Variants in WDPCP observed in about 807,000 individuals in gnomAD.
The protein encoded by WDPCP is WD repeat-containing and planar cell polarity effector protein fritz homolog.
In WDPCP, 71 loss-of-function variants were observed where a neutral mutation model predicts 93.1. The observed-to-expected ratio is 0.76, with a 90% CI of 0.63 to 0.93. The LOEUF is 0.93. Ranked by LOEUF, WDPCP falls within the 40% of genes least tolerant of loss-of-function variation. The pLI is 0.00. For missense variants in WDPCP, 844 were observed against 887.4 expected (o/e 0.95, Z 0.62); for synonymous variants, 315 against 315.0 (o/e 1.00, Z 0.00).
At chr2:63,263,356 A>G (rs1240088335) in intron 13 of WDPCP, among the ~76,000 whole-genome samples, 1 of 152,234 alleles carries the variant, frequency 6.6e-6, no homozygotes, top group African/African-American at 2.4e-5. Context: ...GGATTAGGTC[A>G]TAAAGTCTCT....
chr2:63,487,554 C>A (rs200679543), intron 2 of WDPCP, 60 bp from the exon 3 acceptor site: 145 of 1,255,228 alleles, frequency 1.2e-4, no homozygotes, highest in Admixed American at 8.3e-4. Flanking sequence ...AATAAGAAGC[C>A]AAGCCATACT....
chr2:63,605,317 G>A (rs776061378), intron 3 of WDPCP: 7 of 1,614,138 alleles, frequency 4.3e-6, no homozygotes, highest in Non-Finnish European at 5.9e-6. Flanking sequence ...ATCAAGGCTC[G>A]AAAACTATCC....
At chr2:63,172,663 A>ATGACT (rs1329173625) in intron 15 of WDPCP, among the ~76,000 whole-genome samples, 3 of 152,222 alleles carry the variant, frequency 2.0e-5, no homozygotes, top group Non-Finnish European at 4.4e-5. Context: ...TGTTCTTAGC[A>ATGACT]TGACTTGAAG....
Position 63,174,811 on chromosome 2 carries a change from CTG to C in WDPCP, c.1935_1936del (p.Asp645GlufsTer7). On this transcript the variant is annotated frameshift_variant, in exon 15 of 18. Coordinates refer to ENST00000272321, the MANE Select transcript of WDPCP (RefSeq NM_015910.7). LOFTEE classifies it high-confidence loss of function. ...AAATGCTTCATTTAGCATATCCCCT[CTG>C]TCCAAGGGTCCCAGGAGTTCTGTTG... 6.2e-7 allele frequency: 1 copy of C among 1,613,902 alleles called. No individual in the cohort carries two copies. Among genetic ancestry groups the C allele is most frequent in the East Asian group, 2.2e-5 (1 of 44,852 alleles).
intron 12 of WDPCP, among the ~76,000 whole-genome samples, chr2:63,325,195 G>A (rs1687438972): frequency 6.6e-6 from 1 of 152,146 alleles, no homozygotes. Context: ...AACAAACCTT[G>A]GTGGTTCAGA....
chr2:63,194,030 C>T (rs1260327593), intron 14 of WDPCP, among the ~76,000 whole-genome samples: 1 of 152,152 alleles, frequency 6.6e-6, no homozygotes, highest in Non-Finnish European at 1.5e-5. Context: ...CTGTGATATA[C>T]TAATAGCTTG....
intron 2 of WDPCP, among the ~76,000 whole-genome samples, chr2:63,806,015 G>C (rs1425114840): frequency 6.6e-6 from 1 of 152,158 alleles, no homozygotes; most frequent in African/African-American, 2.4e-5. Flanking sequence ...AGGGCAGCCT[G>C]AGGTGAGAGA....
chr2:63,751,369 G>T (rs186726770), intron 2 of WDPCP, among the ~76,000 whole-genome samples: 1 of 151,738 alleles, frequency 6.6e-6, no homozygotes, highest in Non-Finnish European at 1.5e-5. Flanking sequence ...TTTATTCAGC[G>T]TCATGATCAG....
chr2:63,497,723 A>G (rs372356523), intron 1 of WDPCP, among the ~76,000 whole-genome samples: 47 of 152,332 alleles, frequency 3.1e-4, no homozygotes, highest in African/African-American at 9.9e-4. Flanking sequence ...GTGTGCCACC[A>G]GTTAAAAAGA....
intron 1 of WDPCP, among the ~76,000 whole-genome samples, chr2:63,821,041 CAT>C (rs1379199102): frequency 6.6e-6 from 1 of 152,182 alleles, no homozygotes; most frequent in Non-Finnish European, 1.5e-5. Flanking sequence ...ATTCATTCCA[CAT>C]GATTCAGTTA....
At chr2:63,761,283 G>A (rs1670051223) in intron 2 of WDPCP, among the ~76,000 whole-genome samples, 1 of 152,142 alleles carries the variant, frequency 6.6e-6, no homozygotes, top group East Asian at 1.9e-4. Context: ...GCCATGGGAT[G>A]ACACAGCAAG....
chr2:63,721,615 A>T (rs1359902951), intron 2 of WDPCP, among the ~76,000 whole-genome samples: 1 of 151,828 alleles, frequency 6.6e-6, no homozygotes, highest in Non-Finnish European at 1.5e-5. Context: ...TGGCCTTTCC[A>T]TTTTTTGGCC....
chr2:63,770,971 A>G (rs1316996656), intron 2 of WDPCP, among the ~76,000 whole-genome samples: 1 of 151,890 alleles, frequency 6.6e-6, no homozygotes, highest in African/African-American at 2.4e-5. Flanking sequence ...GTTAAAAATA[A>G]CATAAAATGT....
At chr2:63,658,367 A>G (rs1710190854) in intron 2 of WDPCP, among the ~76,000 whole-genome samples, 2 of 152,222 alleles carry the variant, frequency 1.3e-5, no homozygotes, top group South Asian at 2.1e-4. Flanking sequence ...GAAAGTCCTT[A>G]TGGGGATGTG....
At chr2:63,636,583 A>G (rs982000238) in intron 3 of WDPCP, among the ~76,000 whole-genome samples, 8 of 152,190 alleles carry the variant, frequency 5.3e-5, no homozygotes, top group African/African-American at 1.9e-4. Flanking sequence ...CTACAGGTAC[A>G]TACCACATGC....
In WDPCP at chr2:63,492,879, A is replaced by G. The variant is rs754565778; in HGVS notation, c.137T>C (p.Leu46Ser). 15 of 1,613,582 alleles carry G rather than the reference A, an allele frequency of 9.3e-6. No individual in the cohort carries two copies. Among genetic ancestry groups the G allele is most frequent in the African/African-American group, 2.7e-5 (2 of 74,896 alleles). The part of the protein sequence containing the change: ...FCLTELHLWS[L>S]KNTLHIADRD... ...ACCCGCAATGTGTAAGGTATTCTTC[A>G]AAGACCACAGGTGCAGTTCAGTCAA... The change falls in exon 2 of 18, where the codon TTG becomes TCG. Residue 46 changes from leucine (L) to serine (S), a missense_variant. Physicochemically the swap from Leu to Ser is moderately radical, Grantham distance 145. Coordinates refer to ENST00000272321, the MANE Select transcript of WDPCP (RefSeq NM_015910.7).
rs374022872 is a variant in WDPCP at position 63,301,486 on chromosome 2, C to T, written c.1812+11762G>A. Among the ~76,000 whole-genome samples, 160 of 152,282 alleles carry T rather than the reference C, an allele frequency of 1.1e-3. 1 individual carries two copies. The South Asian group carries it at 0.013, about 13-fold the overall frequency. On this transcript the variant is annotated intron_variant, in intron 13 of 17. Coordinates refer to ENST00000272321, the MANE Select transcript of WDPCP (RefSeq NM_015910.7). Reference sequence around the variant, plus strand: ...TAGCATACCCCCTCCATTAAAGTGGCCTTCTTCAACTATTATGTAGTTTTT... The same window carrying T: ...TAGCATACCCCCTCCATTAAAGTGGTCTTCTTCAACTATTATGTAGTTTTT...
rs1558833548 is a variant in WDPCP, at chr2:63,575,517, T to TATATACAGTATATACAGTGTATATAC, written c.75+12679_75+12680insGTATATACACTGTATATACTGTATAT. On this transcript the variant is annotated intron_variant, in intron 1 of 17. Coordinates refer to ENST00000272321, the MANE Select transcript of WDPCP (RefSeq NM_015910.7). ...ATATACAGTATATACACTGTATATA[T>TATATACAGTATATACAGTGTATATAC]AGTATATACAGTATATACACTGTAT... Among the ~76,000 whole-genome samples, 14 of 9,110 alleles carry TATATACAGTATATACAGTGTATATAC rather than the reference T, an allele frequency of 1.5e-3. 3 individuals are homozygous for TATATACAGTATATACAGTGTATATAC. Among genetic ancestry groups the TATATACAGTATATACAGTGTATATAC allele is most frequent in the Non-Finnish European group, 2.6e-3 (14 of 5,390 alleles). The allele number at this position is 9,110 out of a possible 152,430, so 6.0% of individuals were successfully genotyped here. A position where few individuals can be genotyped will look rare whatever the true frequency, so the allele number is the denominator to read the frequency against.
chr2:63,323,460 G>A (rs966907649), intron 12 of WDPCP, among the ~76,000 whole-genome samples: 6 of 152,128 alleles, frequency 3.9e-5, no homozygotes, highest in African/African-American at 1.4e-4. Flanking sequence ...AGACTAGCAG[G>A]CCTAACAAAA....
Sources: allele counts gnomAD v4.1 joint callset (sites outside exome capture counted in the v4.1 genomes callset), GRCh38; gene constraint gnomAD v4.1.1; transcripts MANE v1.5; gene names NCBI Gene and HGNC (gene_info 2026-07-23, HGNC 2026-07-21).